Variants in COL5A1 observed in about 807,000 individuals in gnomAD.
COL5A1 encodes the protein collagen alpha-1(V) chain.
In COL5A1, 16 loss-of-function variants were observed where a neutral mutation model predicts 263.7. The ratio of observed to expected loss-of-function variants is 0.06; its 90% CI spans 0.04 to 0.09. The LOEUF (loss-of-function observed/expected upper bound fraction) is 0.09, where lower values mean the gene tolerates loss of function less well. Among genes scored for constraint, COL5A1 ranks in the 10% least tolerant of loss-of-function variants. The pLI is 1.00. For synonymous variants in COL5A1, 1,012 were observed against 1,004.5 expected (o/e 1.01, Z -0.14); for missense variants, 2,036 against 2,540.5 (o/e 0.80, Z 4.27).
intron 43 of COL5A1, among the ~76,000 whole-genome samples, chr9:134,809,764 C>T (rs59151337): frequency 0.18 from 27,547 of 152,192 alleles, 3,236 homozygotes; most frequent in African/African-American, 0.33. Context: ...CTTCATTTAA[C>T]GCAGACAGTG....
chr9:134,709,494 TG>T (rs1333017283), intron 4 of COL5A1, among the ~76,000 whole-genome samples: 2 of 152,106 alleles, frequency 1.3e-5, no homozygotes, highest in Admixed American at 6.5e-5. Flanking sequence ...GGTGAGCGAG[TG>T]AGGCCTGGAC....
chr9:134,759,980 CAT>C (rs1269236954), intron 18 of COL5A1, among the ~76,000 whole-genome samples: 13 of 127,920 alleles, frequency 1.0e-4, no homozygotes, highest in Non-Finnish European at 1.3e-4. Context: ...CATGCACACA[CAT>C]GCACACCCAC....
intron 1 of COL5A1, among the ~76,000 whole-genome samples, chr9:134,673,954 T>C (rs1488025897): frequency 6.6e-6 from 1 of 152,086 alleles, no homozygotes; most frequent in East Asian, 1.9e-4. Context: ...CCAACATGCA[T>C]CTGAAAAGAT....
chr9:134,739,298 G>A (rs1357325655), intron 11 of COL5A1, among the ~76,000 whole-genome samples: 2 of 152,218 alleles, frequency 1.3e-5, no homozygotes, highest in Non-Finnish European at 2.9e-5. Context: ...TGGCTGCCGC[G>A]ATTTCCTTCT....
intron 63 of COL5A1, among the ~76,000 whole-genome samples, chr9:134,829,733 C>CG (rs2132906255): frequency 6.6e-6 from 1 of 151,992 alleles, no homozygotes; most frequent in South Asian, 2.1e-4. Context: ...CCTCAAGGCC[C>CG]AGGCCAGGCT....
chr9:134,697,352 A>G (rs1278723337), intron 2 of COL5A1, among the ~76,000 whole-genome samples: 2 of 152,178 alleles, frequency 1.3e-5, no homozygotes, highest in African/African-American at 4.8e-5. Context: ...ATTTGTTACC[A>G]TAGAGATTTC....
intron 9 of COL5A1, chr9:134,732,533 A>G (rs1051747369): frequency 5.9e-6 from 2 of 338,514 alleles, no homozygotes; most frequent in Admixed American, 4.3e-5. Context: ...AGTGGTAGGG[A>G]ATAGTTAACA....
chr9:134,657,952 T>A (rs1320550723), intron 1 of COL5A1, among the ~76,000 whole-genome samples: 1 of 151,194 alleles, frequency 6.6e-6, no homozygotes. Flanking sequence ...GGCCTGGGAG[T>A]CCTGGCCTGT....
At position 134,841,998 on chromosome 9, in the gene COL5A1, C is replaced by G. The variant is rs572859631; in HGVS notation, c.5371-159C>G. The stretch of plus-strand genomic sequence containing the variant: ...GGGTTAAATGCATGCTCTGATCAGC[C>G]ATATTTCCTCCAACACTTGCCCGGG... On this transcript the variant is annotated intron_variant, in intron 65 of 65. Transcript: ENST00000371817. The surrounding 1 kb of genome is among the most constrained non-coding windows in gnomAD (Gnocchi z 4.8). Among the ~76,000 whole-genome samples the G allele has an allele frequency of 6.6e-6, 1 of 152,210 alleles. No individual in the cohort carries two copies. The highest frequency in any genetic ancestry group is 2.1e-4 in the South Asian group (1 of 4,802).
intron 1 of COL5A1, among the ~76,000 whole-genome samples, chr9:134,669,230 CCCTTT>C (rs1564376282): frequency 0.017 from 1,403 of 80,346 alleles, 90 homozygotes; most frequent in African/African-American, 0.09. Flanking sequence ...CCCTTCCCTT[CCCTTT>C]CCTTCCCTTC....
At position 134,665,415 on chromosome 9, in the gene COL5A1, G is replaced by C. The variant is rs181033058; in HGVS notation, c.109+23119G>C. On this transcript the variant is annotated intron_variant, in intron 1 of 65. Transcript: ENST00000371817. ...TTTGCTGAGGTACACCAATCTCCAAGATATGTTAAGTAAAGCAAAGCAGAA... is the reference window on the plus strand; with the variant it reads ...TTTGCTGAGGTACACCAATCTCCAACATATGTTAAGTAAAGCAAAGCAGAA... 2.6e-5 allele frequency among the ~76,000 whole-genome samples: 4 copies of C among 152,320 alleles called. No individual in the cohort carries two copies. In the East Asian group the frequency reaches 7.7e-4, roughly 29 times the overall value.
At chr9:134,721,091 G>C (rs1316362041) in intron 4 of COL5A1, among the ~76,000 whole-genome samples, 2 of 152,112 alleles carry the variant, frequency 1.3e-5, no homozygotes, top group African/African-American at 4.8e-5. Flanking sequence ...AGTCAGGGAA[G>C]ATGCCTCTCT....
At chr9:134,728,534 AC>A in intron 5 of COL5A1, 135 bp from the exon 6 acceptor site, 1 of 1,184,414 alleles carries the variant, frequency 8.4e-7, no homozygotes, top group Non-Finnish European at 1.2e-6. Flanking sequence ...CCATCCGGGG[AC>A]CCACAGGGAG....
At position 134,842,459 on chromosome 9, in the gene COL5A1, C is replaced by A; in HGVS notation, c.*156C>A. The A allele has an allele frequency of 1.1e-6, 1 of 892,398 alleles. No homozygotes were observed. Among genetic ancestry groups the A allele is most frequent in the Non-Finnish European group, 1.7e-6 (1 of 574,358 alleles). The allele number at this position is 892,398 out of a possible 1,614,324, so 55.3% of individuals were successfully genotyped here. A position where few individuals can be genotyped will look rare whatever the true frequency, so the allele number is the denominator to read the frequency against. On this transcript the variant is annotated 3_prime_UTR_variant, in exon 66 of 66. Transcript: ENST00000371817. The surrounding 1 kb of genome is among the most constrained non-coding windows in gnomAD (Gnocchi z 5.8). Reference sequence around the variant, plus strand: ...CGCCTCGGCACCACGGGGTGTGGGACCCCAGCCCGGAGAGAACAGAGGGAA... The same window carrying A: ...CGCCTCGGCACCACGGGGTGTGGGAACCCAGCCCGGAGAGAACAGAGGGAA...
chr9:134,663,092 C>T (rs546171153), intron 1 of COL5A1, among the ~76,000 whole-genome samples: 4 of 152,360 alleles, frequency 2.6e-5, no homozygotes, highest in Non-Finnish European at 5.9e-5. Context: ...ACCATGTTCT[C>T]AAAATGAAGT....
intron 4 of COL5A1, among the ~76,000 whole-genome samples, chr9:134,710,355 G>T (rs1254679302): frequency 6.6e-6 from 1 of 152,252 alleles, no homozygotes; most frequent in Non-Finnish European, 1.5e-5. Flanking sequence ...CGTTAACCCT[G>T]TCTCATTGAA....
chr9:134,712,104 C>G (rs1382122091), intron 4 of COL5A1, among the ~76,000 whole-genome samples: 2 of 120,994 alleles, frequency 1.7e-5, no homozygotes, highest in African/African-American at 6.4e-5. Context: ...CTTCCTATCC[C>G]CCTTCCTTCC....
At chr9:134,796,499 C>A (rs1265544053) in intron 35 of COL5A1, 81 bp downstream of exon 35, 5 of 1,458,694 alleles carry the variant, frequency 3.4e-6, no homozygotes, top group Non-Finnish European at 4.8e-6. Context: ...CTGGGGTGGG[C>A]TGGGGCCAGG....
In COL5A1 at chr9:134,686,121, G is replaced by C. The variant is rs1588436965; in HGVS notation, c.110-4791G>C. On this transcript the variant is annotated intron_variant, in intron 1 of 65. Transcript: ENST00000371817. The surrounding 1 kb of genome is among the most constrained non-coding windows in gnomAD (Gnocchi z 4.6). ...GCTCCTCCTATGTGCCAGTGCTGCA[G>C]TCTTGCTTGTATTTCTTATCAGGGT... Among the ~76,000 whole-genome samples the C allele has an allele frequency of 6.6e-6, 1 of 152,234 alleles. No homozygotes were observed. Among genetic ancestry groups the C allele is most frequent in the Non-Finnish European group, 1.5e-5 (1 of 68,040 alleles).
Sources: allele counts gnomAD v4.1 joint callset (sites outside exome capture counted in the v4.1 genomes callset), GRCh38; gene constraint gnomAD v4.1.1; non-coding constraint Gnocchi (gnomAD v3.1); transcripts MANE v1.5; gene names NCBI Gene and HGNC (gene_info 2026-07-23, HGNC 2026-07-21).